Variants in TSHZ2 observed in about 807,000 individuals in gnomAD.
TSHZ2 encodes the protein teashirt zinc finger homeobox 2, also known as teashirt homolog 2.
A neutral mutation model predicts 74.4 loss-of-function variants in TSHZ2; 21 were observed. The observed-to-expected ratio is 0.28, with a 90% CI of 0.20 to 0.41. The LOEUF (loss-of-function observed/expected upper bound fraction) is 0.41. Ranked by LOEUF, TSHZ2 falls within the 10% of genes least tolerant of loss-of-function variation. TSHZ2 has a pLI of 1.00. For missense variants in TSHZ2, 1,244 were observed against 1,293.5 expected (o/e 0.96, Z 0.59); for synonymous variants, 540 against 515.3 (o/e 1.05, Z -0.65).
intron 1 of TSHZ2, among the ~76,000 whole-genome samples, chr20:53,054,921 G>T (rs1425281583): frequency 6.6e-6 from 1 of 152,168 alleles, no homozygotes; most frequent in Non-Finnish European, 1.5e-5. Context: ...TTTTTGCTTA[G>T]TTCCTGACAA....
intron 2 of TSHZ2, among the ~76,000 whole-genome samples, chr20:53,272,805 G>C (rs1357529887): frequency 6.6e-6 from 1 of 152,212 alleles, no homozygotes; most frequent in Non-Finnish European, 1.5e-5. Flanking sequence ...GCCAGGCTCT[G>C]TTCTGAGTCC....
chr20:53,416,325 A>AC (rs1983252474), intron 2 of TSHZ2, among the ~76,000 whole-genome samples: 1 of 152,226 alleles, frequency 6.6e-6, no homozygotes, highest in Admixed American at 6.5e-5. Context: ...ACGTGCTGAT[A>AC]CCAGAGGCAC....
intron 2 of TSHZ2, among the ~76,000 whole-genome samples, chr20:53,344,997 G>C (rs1361852744): frequency 6.6e-6 from 1 of 152,218 alleles, no homozygotes; most frequent in Non-Finnish European, 1.5e-5. Context: ...GAGTGTTTGT[G>C]TTAGAATTAT....
chr20:53,112,816 C>G (rs983274679), intron 1 of TSHZ2, among the ~76,000 whole-genome samples: 4 of 152,178 alleles, frequency 2.6e-5, no homozygotes, highest in Non-Finnish European at 5.9e-5. Flanking sequence ...TGCCCCTACA[C>G]CCAGCTGGAA....
At position 53,051,451 on chromosome 20, in the gene TSHZ2, GCGCA is replaced by G. The variant is rs61225094; in HGVS notation, c.40+78124_40+78127del. Among the ~76,000 whole-genome samples the G allele has an allele frequency of 9.3e-3, 818 of 87,560 alleles. 5 individuals are homozygous for G. Among genetic ancestry groups the G allele is most frequent in the Non-Finnish European group, 0.012 (502 of 41,868 alleles). 57.4% of individuals were successfully genotyped at this position (87,560 alleles called of 152,430 possible). On this transcript the variant is annotated intron_variant, in intron 1 of 2. Transcript: ENST00000371497. Reference sequence around the variant, plus strand: ...AATATTCTTATCATATTACTCTGTGGCGCACGCACACACACACACACACACACAC... The same window carrying G: ...AATATTCTTATCATATTACTCTGTGGCGCACACACACACACACACACACAC...
At chr20:53,294,113 C>G (rs1991332649) in intron 2 of TSHZ2, among the ~76,000 whole-genome samples, 1 of 152,108 alleles carries the variant, frequency 6.6e-6, no homozygotes, top group Admixed American at 6.6e-5. Context: ...AAGAGGCGCA[C>G]ACAGGCAGCT....
chr20:53,388,437 A>G (rs1034895583), intron 2 of TSHZ2, among the ~76,000 whole-genome samples: 6 of 152,330 alleles, frequency 3.9e-5, no homozygotes, highest in Non-Finnish European at 8.8e-5. Context: ...AATGCGCATC[A>G]AAACATAAAA....
At chr20:52,981,252 T>C (rs1981558308) in intron 1 of TSHZ2, among the ~76,000 whole-genome samples, 1 of 152,160 alleles carries the variant, frequency 6.6e-6, no homozygotes, top group Non-Finnish European at 1.5e-5. Flanking sequence ...CCGGGCAAGC[T>C]CTAGAGATAA....
At chr20:53,156,832 T>G (rs1190754962) in intron 1 of TSHZ2, among the ~76,000 whole-genome samples, 1 of 152,248 alleles carries the variant, frequency 6.6e-6, no homozygotes, top group African/African-American at 2.4e-5. Flanking sequence ...AGTCAAAGAT[T>G]ATAAGATAAC....
chr20:53,425,117 T>G (rs2145723455), intron 2 of TSHZ2, among the ~76,000 whole-genome samples: 1 of 152,252 alleles, frequency 6.6e-6, no homozygotes, highest in South Asian at 2.1e-4. Context: ...TATTTCTGGT[T>G]CTAAATCTTT....
intron 1 of TSHZ2, among the ~76,000 whole-genome samples, chr20:53,102,770 G>A (rs1455778204): frequency 2.0e-5 from 3 of 152,132 alleles, no homozygotes; most frequent in Admixed American, 2.0e-4. Context: ...TGGATTTTGA[G>A]TTGAGCAGCT....
chr20:52,993,622 C>G (rs1256305811), intron 1 of TSHZ2, among the ~76,000 whole-genome samples: 1 of 152,148 alleles, frequency 6.6e-6, no homozygotes, highest in Admixed American at 6.5e-5. Flanking sequence ...ATACTTTAAG[C>G]TGCTTTCCTG....
intron 1 of TSHZ2, among the ~76,000 whole-genome samples, chr20:53,217,460 A>G (rs1426781801): frequency 2.0e-5 from 3 of 152,132 alleles, no homozygotes. Flanking sequence ...AACAACAATA[A>G]TCAGAACAGC....
chr20:53,311,341 G>T (rs1978776130), intron 2 of TSHZ2, among the ~76,000 whole-genome samples: 1 of 152,174 alleles, frequency 6.6e-6, no homozygotes, highest in Admixed American at 6.5e-5. Context: ...CCCAGAATCT[G>T]GGCATTCAAA....
intron 1 of TSHZ2, among the ~76,000 whole-genome samples, chr20:53,013,813 ATCT>A (rs1184670795): frequency 6.6e-6 from 1 of 152,200 alleles, no homozygotes; most frequent in Non-Finnish European, 1.5e-5. Flanking sequence ...GTTTTAAAAA[ATCT>A]TCTTTCCTTT....
At chr20:53,210,549 C>T (rs1034040406) in intron 1 of TSHZ2, among the ~76,000 whole-genome samples, 13 of 151,986 alleles carry the variant, frequency 8.6e-5, no homozygotes, top group Middle Eastern at 3.4e-3. Flanking sequence ...CTCTGCCGTG[C>T]CATTCCATCG....
At position 53,193,951 on chromosome 20, in the gene TSHZ2, T is replaced by G. The variant is rs1988800683; in HGVS notation, c.41-59548T>G. On this transcript the variant is annotated intron_variant, in intron 1 of 2. Transcript: ENST00000371497. ...GACAACGGGGAGGTTCTCATTTCCCTCCTCCTCAGTGCTCAGACTTTGGAA... is the reference window on the plus strand; with the variant it reads ...GACAACGGGGAGGTTCTCATTTCCCGCCTCCTCAGTGCTCAGACTTTGGAA... 2.0e-5 allele frequency among the ~76,000 whole-genome samples: 3 copies of G among 152,220 alleles called. No homozygotes were observed. The South Asian group carries it at 6.2e-4, about 32-fold the overall frequency.
At chr20:53,442,678 C>T (rs1311614275) in intron 2 of TSHZ2, among the ~76,000 whole-genome samples, 2 of 152,236 alleles carry the variant, frequency 1.3e-5, no homozygotes, top group South Asian at 2.1e-4. Context: ...GACGCTATGT[C>T]TCTGTCTCCC....
chr20:53,451,190 A>T (rs544248766), intron 2 of TSHZ2, among the ~76,000 whole-genome samples: 2 of 152,318 alleles, frequency 1.3e-5, no homozygotes, highest in East Asian at 3.9e-4. Context: ...CCCTATGATG[A>T]TTCTTCTGTA....
Sources: gnomAD v4.1 joint callset for allele counts (sites outside exome capture counted in the v4.1 genomes callset) on GRCh38, gnomAD v4.1.1 for gene constraint, MANE v1.5 for transcripts, NCBI Gene and HGNC (gene_info 2026-07-23, HGNC 2026-07-21) for gene names.